ROBO1: variants seen among roughly 807,000 people sequenced by gnomAD.
ROBO1 encodes the protein roundabout guidance receptor 1.
A neutral mutation model predicts 195.9 loss-of-function variants in ROBO1; 149 were observed. The ratio of observed to expected loss-of-function variants is 0.76; its 90% CI spans 0.67 to 0.87. ROBO1 has a LOEUF of 0.87. ROBO1 is among the 40% of genes least tolerant of loss of function. The pLI is 0.00. For missense variants in ROBO1, 1,933 were observed against 2,068.3 expected, an observed-to-expected ratio of 0.93 and a Z score of 1.27; for synonymous variants, 816 against 733.2, an observed-to-expected ratio of 1.11 and a Z score of -1.82.
rs543698250 is a variant in ROBO1, at chr3:79,225,824, T to C, written c.89-100285A>G. Among the ~76,000 whole-genome samples, 4 of 152,272 alleles carry C rather than the reference T, an allele frequency of 2.6e-5. No individual in the cohort carries two copies. The East Asian group carries it at 7.7e-4, about 29-fold the overall frequency. On this transcript the variant is annotated intron_variant, in intron 2 of 30. Coordinates refer to ENST00000464233, the MANE Select transcript of ROBO1 (RefSeq NM_002941.4). ...TCAGTTGCTACCCTTTATCTTAAAA[T>C]AGCTAGCAATGGCTCCGAGACATCC...
At chr3:79,738,850 C>A (rs1703501880) in intron 1 of ROBO1, among the ~76,000 whole-genome samples, 1 of 152,094 alleles carries the variant, frequency 6.6e-6, no homozygotes, top group South Asian at 2.1e-4. Flanking sequence ...ACGAGTTACT[C>A]CAGTCTAGTG....
At chr3:79,647,426 C>T (rs1411305039) in intron 1 of ROBO1, among the ~76,000 whole-genome samples, 1 of 151,952 alleles carries the variant, frequency 6.6e-6, no homozygotes, top group African/African-American at 2.4e-5. Context: ...AAAACCAGAA[C>T]ATTAACTACA....
chr3:78,682,269 G>T (rs1051565430), intron 10 of ROBO1, among the ~76,000 whole-genome samples: 3 of 150,446 alleles, frequency 2.0e-5, no homozygotes, highest in African/African-American at 7.3e-5. Context: ...AATACTGAAG[G>T]AAAGACATAA....
At chr3:78,801,317 AT>A (rs1308454642) in intron 4 of ROBO1, among the ~76,000 whole-genome samples, 1 of 152,196 alleles carries the variant, frequency 6.6e-6, no homozygotes, top group African/African-American at 2.4e-5. Flanking sequence ...ATTTTGAAAG[AT>A]TAAAAATATA....
At chr3:78,705,702 A>C (rs990979333) in intron 8 of ROBO1, among the ~76,000 whole-genome samples, 2 of 152,176 alleles carry the variant, frequency 1.3e-5, no homozygotes, top group Non-Finnish European at 2.9e-5. Context: ...TAAAGAAGAC[A>C]TGCCTTCACC....
In ROBO1 at chr3:78,627,475, G is replaced by A; in HGVS notation, c.3721C>T (p.Pro1241Ser). ...GAAGAAGCTGCTCCCCGAACAGGGGGAGTGGGGCCTCGTTCATCTTCCTCC... is the reference window on the plus strand; with the variant it reads ...GAAGAAGCTGCTCCCCGAACAGGGGAAGTGGGGCCTCGTTCATCTTCCTCC... ...EEEEDERGPT[P>S]PVRGAASSPA... Residue 1241 changes from proline to serine, a missense_variant, in exon 26 of 31, where the codon CCC (proline) becomes TCC (serine). Physicochemically the swap from Pro to Ser is moderately conservative, Grantham distance 74 (BLOSUM62 -1). Transcript: ENST00000464233. The A allele has an allele frequency of 6.2e-7, 1 of 1,613,244 alleles. No homozygotes were observed. Among genetic ancestry groups the A allele is most frequent in the Admixed American group, 1.7e-5 (1 of 59,960 alleles).
At chr3:79,459,307 C>T (rs1245871376) in intron 2 of ROBO1, among the ~76,000 whole-genome samples, 1 of 152,032 alleles carries the variant, frequency 6.6e-6, no homozygotes, top group Non-Finnish European at 1.5e-5. Context: ...TGTGGTCACA[C>T]AAAAAGTGCT....
intron 1 of ROBO1, among the ~76,000 whole-genome samples, chr3:79,715,375 A>G (rs1247035380): frequency 4.6e-5 from 7 of 152,188 alleles, no homozygotes. Context: ...AGTTACCCCA[A>G]CCTTCGGCAA....
intron 2 of ROBO1, among the ~76,000 whole-genome samples, chr3:79,180,701 A>G (rs1202378927): frequency 6.6e-6 from 1 of 152,218 alleles, no homozygotes; most frequent in African/African-American, 2.4e-5. Context: ...AAAAGCCATT[A>G]TGATTATAAG....
intron 1 of ROBO1, among the ~76,000 whole-genome samples, chr3:79,728,243 C>T (rs1703004455): frequency 6.6e-6 from 1 of 151,806 alleles, no homozygotes; most frequent in South Asian, 2.1e-4. Context: ...TATAAATGAG[C>T]AGAAATTCCT....
intron 4 of ROBO1, among the ~76,000 whole-genome samples, chr3:78,803,432 C>A (rs933990778): frequency 1.3e-5 from 2 of 152,030 alleles, no homozygotes; most frequent in Admixed American, 6.6e-5. Context: ...TAATAGAGAA[C>A]AATATCATGA....
intron 1 of ROBO1, among the ~76,000 whole-genome samples, chr3:79,748,096 A>G (rs1042017586): frequency 3.3e-5 from 5 of 152,114 alleles, no homozygotes; most frequent in African/African-American, 1.2e-4. Flanking sequence ...GGTACTTCCA[A>G]TTTTCTAGAA....
chr3:79,074,627 C>T (rs2079141652), intron 3 of ROBO1, among the ~76,000 whole-genome samples: 1 of 151,444 alleles, frequency 6.6e-6, no homozygotes, highest in South Asian at 2.1e-4. Context: ...CAGGGTCTCC[C>T]TACATTGCCC....
intron 3 of ROBO1, among the ~76,000 whole-genome samples, chr3:79,038,308 A>G (rs1391300575): frequency 6.6e-6 from 1 of 151,654 alleles, no homozygotes; most frequent in Non-Finnish European, 1.5e-5. Context: ...CTTCTTAGAC[A>G]GTAGAACCTC....
intron 4 of ROBO1, among the ~76,000 whole-genome samples, chr3:78,828,600 A>G (rs567395364): frequency 7.9e-5 from 12 of 152,346 alleles, no homozygotes; most frequent in Admixed American, 1.3e-4. Context: ...TTTCTATTCA[A>G]TCCCAAAGTA....
rs1307639381 is a variant in ROBO1, at chr3:79,090,895, C to A, written c.172+34561G>T. Reference sequence around the variant, plus strand: ...CATGTTTAAATTCTGCTTTACATTTCTTTTTATTTCTAGATTATAGTATGT... The same window carrying A: ...CATGTTTAAATTCTGCTTTACATTTATTTTTATTTCTAGATTATAGTATGT... On this transcript the variant is annotated intron_variant, in intron 3 of 30. Transcript: ENST00000464233. Among the ~76,000 whole-genome samples the A allele has an allele frequency of 4.6e-5, 7 of 152,048 alleles. No homozygotes were observed. In the South Asian group the frequency reaches 8.3e-4, roughly 18 times the overall value.
chr3:79,605,254 T>TG (rs1944447816), intron 1 of ROBO1, among the ~76,000 whole-genome samples: 1 of 151,894 alleles, frequency 6.6e-6, no homozygotes, highest in Non-Finnish European at 1.5e-5. Flanking sequence ...TACTTTTTTT[T>TG]TTAACTCTTC....
At chr3:79,271,202 A>G (rs1448098691) in intron 2 of ROBO1, among the ~76,000 whole-genome samples, 1 of 152,038 alleles carries the variant, frequency 6.6e-6, no homozygotes, top group Admixed American at 6.6e-5. Context: ...AAGACATATC[A>G]ACATGGACAA....
At chr3:79,405,478 T>C (rs1484533770) in intron 2 of ROBO1, among the ~76,000 whole-genome samples, 2 of 152,212 alleles carry the variant, frequency 1.3e-5, no homozygotes, top group Non-Finnish European at 2.9e-5. Context: ...CAACTTGTCA[T>C]GTTCCCTAGT....
Sources: allele counts gnomAD v4.1 joint callset (sites outside exome capture counted in the v4.1 genomes callset), GRCh38; gene constraint gnomAD v4.1.1; transcripts MANE v1.5; gene names NCBI Gene and HGNC (gene_info 2026-07-23, HGNC 2026-07-21).